Variants in PCDHGA4 observed in about 807,000 individuals in gnomAD.
PCDHGA4 encodes protocadherin gamma subfamily A, 4.
PCDHGA4 carries 38 observed loss-of-function variants against 54.6 expected under a neutral mutation model. The observed-to-expected ratio is 0.70, with a 90% confidence interval of 0.54 to 0.91. PCDHGA4 has a LOEUF of 0.91. PCDHGA4 is among the 40% of genes least tolerant of loss of function. PCDHGA4 has a pLI of 0.00. For missense variants in PCDHGA4, 1,298 were observed against 1,220.9 expected, an observed-to-expected ratio of 1.06 and a Z score of -0.94; for synonymous variants, 511 against 512.9, an observed-to-expected ratio of 1.00 and a Z score of 0.05.
rs1216200329 is a variant in PCDHGA4, at chr5:141,491,485, C to G, written c.2515-3322C>G. ...CTTCTATAAGCAGTCCAGCCCCAAC[C>G]TGCAGGTGAGCTCGGACGGCACGCT... On this transcript the variant is annotated intron_variant, in intron 1 of 3. Coordinates refer to ENST00000571252, the MANE Select transcript of PCDHGA4 (RefSeq NM_018917.4). This position sits in a 1 kb window ranked among gnomAD's most constrained non-coding sequence, Gnocchi z 6.9. 6.2e-7 allele frequency: 1 copy of G among 1,614,148 alleles called. No individual in the cohort carries two copies. The highest frequency in any genetic ancestry group is 1.3e-5 in the African/African-American group (1 of 75,064).
intron 1 of PCDHGA4, chr5:141,413,712 T>A (rs1405825615): frequency 9.9e-6 from 16 of 1,613,454 alleles, no homozygotes; most frequent in Middle Eastern, 3.3e-4. Context: ...TCAGCCCCAA[T>A]AAGCACTTCT....
intron 1 of PCDHGA4, among the ~76,000 whole-genome samples, chr5:141,368,814 T>C (rs1765871843): frequency 6.6e-6 from 1 of 152,218 alleles, no homozygotes; most frequent in South Asian, 2.1e-4. Context: ...GAAGTGTTCA[T>C]ACAATGAACA....
At chr5:141,478,891 A>G (rs1045274228) in intron 1 of PCDHGA4, 10 of 1,122,064 alleles carry the variant, frequency 8.9e-6, no homozygotes, top group Admixed American at 3.1e-5. Context: ...TATCATTTAC[A>G]TTAGGAATAA....
At chr5:141,478,526 G>A (rs1402123535) in intron 1 of PCDHGA4, 1 of 1,609,906 alleles carries the variant, frequency 6.2e-7, no homozygotes, top group Admixed American at 1.7e-5. Context: ...GTTGGGTGCA[G>A]AGAGCGCCCC....
At position 141,355,081 on chromosome 5, in the gene PCDHGA4, C is replaced by G; in HGVS notation, c.-27C>G. ...TCTGGAGCTTTATGAAAGCTTCAAG[C>G]GGAAGCCCTGAGAGCTCTGGCTGTG... On this transcript the variant is annotated 5_prime_UTR_variant, in exon 1 of 4. Transcript: ENST00000571252. The G allele has an allele frequency of 7.1e-7, 1 of 1,417,630 alleles. No individual in the cohort carries two copies. The highest frequency in any genetic ancestry group is 9.4e-7 in the Non-Finnish European group (1 of 1,061,706). The allele number at this position is 1,417,630 out of a possible 1,614,324, so 87.8% of individuals were successfully genotyped here.
At position 141,366,991 on chromosome 5, in the gene PCDHGA4, A is replaced by G. The variant is rs1764892123; in HGVS notation, c.2514+9370A>G. The G allele has an allele frequency of 1.3e-5, 6 of 477,098 alleles. No individual in the cohort carries two copies. The South Asian group carries it at 2.2e-4, about 18-fold the overall frequency. 29.6% of individuals were successfully genotyped at this position (477,098 alleles called of 1,614,324 possible). A position where few individuals can be genotyped will look rare whatever the true frequency, so the allele number is the denominator to read the frequency against. Reference sequence around the variant, plus strand: ...AAATACCTTAAAGGAAAGTGGTTAAATATAATCATTTTACCCAAATATTTT... The same window carrying G: ...AAATACCTTAAAGGAAAGTGGTTAAGTATAATCATTTTACCCAAATATTTT... On this transcript the variant is annotated intron_variant, in intron 1 of 3. Coordinates refer to ENST00000571252, the MANE Select transcript of PCDHGA4 (RefSeq NM_018917.4).
At position 141,511,199 on chromosome 5, in the gene PCDHGA4, G is replaced by C. The variant is rs1303066281; in HGVS notation, c.*26G>C. On this transcript the variant is annotated 3_prime_UTR_variant, in exon 4 of 4. Coordinates refer to ENST00000571252, the MANE Select transcript of PCDHGA4 (RefSeq NM_018917.4). The stretch of plus-strand genomic sequence containing the variant: ...CATGGAGGCCAGGCCAAGAGCCACA[G>C]GGCGGCCTCTCCCCAACCAGCCCAG... 6.2e-6 allele frequency: 10 copies of C among 1,612,868 alleles called. No individual in the cohort carries two copies. In the East Asian group the frequency reaches 2.2e-4, roughly 36 times the overall value.
intron 1 of PCDHGA4, chr5:141,372,201 T>C: frequency 6.2e-7 from 1 of 1,613,588 alleles, no homozygotes; most frequent in Non-Finnish European, 8.5e-7. Flanking sequence ...ATACAACGCC[T>C]GGCTGTCCTA....
intron 1 of PCDHGA4, chr5:141,362,306 G>T (rs368350867): frequency 5.0e-6 from 8 of 1,613,932 alleles, no homozygotes; most frequent in Non-Finnish European, 5.9e-6. Context: ...TCAGATGCTT[G>T]GGACTGTTTT....
rs1342481070 is a variant in PCDHGA4 at position 141,485,056 on chromosome 5, C to T, written c.2515-9751C>T. 8 of 840,338 alleles carry T rather than the reference C, an allele frequency of 9.5e-6. No homozygotes were observed. The Admixed American group carries it at 1.9e-4, about 20-fold the overall frequency. 52.1% of individuals were successfully genotyped at this position (840,338 alleles called of 1,614,324 possible). A position where few individuals can be genotyped will look rare whatever the true frequency, so the allele number is the denominator to read the frequency against. The stretch of plus-strand genomic sequence containing the variant: ...CGTAACCCTTGCGGCGCCGGCCGAA[C>T]CGCGCCAGAGCTGGCGCGGGGAAAG... On this transcript the variant is annotated intron_variant, in intron 1 of 3. Transcript: ENST00000571252. The surrounding 1 kb of genome is among the most constrained non-coding windows in gnomAD (Gnocchi z 5.7).
chr5:141,422,166 T>G (rs370704205), intron 1 of PCDHGA4: 30 of 1,569,256 alleles, frequency 1.9e-5, no homozygotes, highest in Non-Finnish European at 2.5e-5. Flanking sequence ...TTGAAAAATA[T>G]AGATTCTATG....
intron 1 of PCDHGA4, chr5:141,393,420 G>A (rs2092755571): frequency 1.2e-6 from 2 of 1,614,050 alleles, no homozygotes; most frequent in Non-Finnish European, 1.7e-6. Context: ...CCTGGACAGG[G>A]AGGAAGAGGC....
intron 1 of PCDHGA4, among the ~76,000 whole-genome samples, chr5:141,382,211 G>A (rs1778048764): frequency 6.6e-6 from 1 of 152,054 alleles, no homozygotes; most frequent in African/African-American, 2.4e-5. Flanking sequence ...ATTAAAATAG[G>A]TCTATATATT....
chr5:141,461,591 C>T (rs1368759571), intron 1 of PCDHGA4, among the ~76,000 whole-genome samples: 1 of 152,088 alleles, frequency 6.6e-6, no homozygotes, highest in Non-Finnish European at 1.5e-5. Flanking sequence ...GTTATATTTC[C>T]ATTATAATTT....
intron 1 of PCDHGA4, among the ~76,000 whole-genome samples, chr5:141,448,712 G>A (rs1439461223): frequency 1.3e-5 from 2 of 152,004 alleles, no homozygotes; most frequent in African/African-American, 2.4e-5. Flanking sequence ...AGGCCGAGGC[G>A]GGAGGATCAC....
intron 1 of PCDHGA4, chr5:141,384,391 G>A: frequency 1.2e-6 from 2 of 1,613,920 alleles, no homozygotes; most frequent in Non-Finnish European, 1.7e-6. Context: ...CACCATCCAG[G>A]GGGCTCCAGT....
chr5:141,403,598 G>A (rs2094431142), intron 1 of PCDHGA4: 1 of 1,613,702 alleles, frequency 6.2e-7, no homozygotes, highest in Non-Finnish European at 8.5e-7. Flanking sequence ...CACGGCCTCG[G>A]ATGGCGGCGA....
Position 141,355,619 on chromosome 5 carries a change from T to C in PCDHGA4, c.512T>C (p.Ile171Thr). ...PPSFGTEQRE[I>T]KVAENENPGA... ...AGTTTTGGGACAGAACAGAGGGAAATAAAAGTTGCTGAAAATGAAAATCCT... is the reference window on the plus strand; with the variant it reads ...AGTTTTGGGACAGAACAGAGGGAAACAAAAGTTGCTGAAAATGAAAATCCT... Residue 171 changes from isoleucine to threonine, a missense_variant, in exon 1 of 4, where the codon ATA (isoleucine) becomes ACA (threonine). Coordinates refer to ENST00000571252, the MANE Select transcript of PCDHGA4 (RefSeq NM_018917.4). 1.9e-6 allele frequency: 3 copies of C among 1,613,950 alleles called. No individual in the cohort carries two copies. Among genetic ancestry groups the C allele is most frequent in the Non-Finnish European group, 1.7e-6 (2 of 1,179,868 alleles).
In PCDHGA4 at chr5:141,357,033, C is replaced by T. The variant is rs1760437064; in HGVS notation, c.1926C>T (p.Ser642=). 2 of 1,614,068 alleles carry T rather than the reference C, an allele frequency of 1.2e-6. No homozygotes were observed. The change falls in exon 1 of 4, where the codon TCC becomes TCT. Residue 642 remains serine (S), a synonymous_variant. Transcript: ENST00000571252. ...GGCTGTCCTACAGCCTACTCAAGTC[C>T]AGCGAGCCGGGACTATTTGCAGTGG... The part of the protein sequence containing the change: ...NAWLSYSLLK[S]SEPGLFAVGL...
Sources: gnomAD v4.1 joint callset for allele counts (sites outside exome capture counted in the v4.1 genomes callset) on GRCh38, gnomAD v4.1.1 for gene constraint, Gnocchi (gnomAD v3.1) non-coding constraint, MANE v1.5 for transcripts, NCBI Gene and HGNC (gene_info 2026-07-23, HGNC 2026-07-21) for gene names.